The following TMEM132D variants were observed in gnomAD, a reference collection of about 807,000 sequenced individuals.
TMEM132D encodes mature OL transmembrane protein.
Under a neutral mutation model 62.3 loss-of-function variants are expected in TMEM132D, and 21 were observed. The ratio of observed to expected loss-of-function variants is 0.34; its 90% confidence interval spans 0.24 to 0.49. TMEM132D has a LOEUF of 0.49. Among genes scored for constraint, TMEM132D ranks in the 20% least tolerant of loss-of-function variants. The probability of loss-of-function intolerance (pLI) is 0.99; values close to 1 mark genes in which losing one functional copy is unlikely to be tolerated. For missense variants in TMEM132D, 1,346 were observed against 1,402.8 expected (o/e 0.96, Z 0.65); for synonymous variants, 621 against 575.6 (o/e 1.08, Z -1.13).
chr12:129,439,252 G>A (rs546090066), intron 3 of TMEM132D, among the ~76,000 whole-genome samples: 12 of 152,244 alleles, frequency 7.9e-5, no homozygotes, highest in African/African-American at 1.4e-4. Flanking sequence ...TAGCTCAGCC[G>A]AAATATCTGA....
chr12:129,424,773 G>C (rs1344386397), intron 3 of TMEM132D, among the ~76,000 whole-genome samples: 1 of 148,234 alleles, frequency 6.7e-6, no homozygotes, highest in African/African-American at 2.5e-5. Context: ...CTTTGAATCT[G>C]TTTGAGGATT....
At chr12:129,741,272 C>G (rs1220536904) in intron 1 of TMEM132D, among the ~76,000 whole-genome samples, 1 of 152,158 alleles carries the variant, frequency 6.6e-6, no homozygotes, top group Non-Finnish European at 1.5e-5. Flanking sequence ...AATAACTTTC[C>G]TTGACTTCTC....
intron 2 of TMEM132D, among the ~76,000 whole-genome samples, chr12:129,636,133 A>G (rs529406078): frequency 6.6e-6 from 1 of 152,362 alleles, no homozygotes; most frequent in African/African-American, 2.4e-5. Context: ...TAGAGGCAAT[A>G]GATGGCAAAT....
Position 129,367,499 on chromosome 12 carries a change from C to T in TMEM132D, c.1116-29682G>A, listed in dbSNP as rs1158069802. ...CCAGGTTGTCCCAAAGACCCTGCCC[C>T]GCCAGTCTTCAGAGTCCCATGGGGA... On this transcript the variant is annotated intron_variant, in intron 3 of 8. Coordinates refer to ENST00000422113, the MANE Select transcript of TMEM132D (RefSeq NM_133448.3). Among the ~76,000 whole-genome samples, 4 of 152,240 alleles carry T rather than the reference C, an allele frequency of 2.6e-5. No individual in the cohort carries two copies. The East Asian group carries it at 5.8e-4, about 22-fold the overall frequency.
chr12:129,338,959 C>T (rs1023952460), intron 3 of TMEM132D, among the ~76,000 whole-genome samples: 6 of 148,890 alleles, frequency 4.0e-5, no homozygotes, highest in African/African-American at 1.2e-4. Context: ...AGAAGGAGGG[C>T]GAGAGAGACA....
At chr12:129,156,961 A>G (rs117940823) in intron 5 of TMEM132D, among the ~76,000 whole-genome samples, 1,596 of 152,098 alleles carry the variant, frequency 0.01, 15 homozygotes, top group Non-Finnish European at 0.014. Context: ...ACCCACTCCT[A>G]TGATAACGAG....
chr12:129,584,018 G>C (rs889442217), intron 2 of TMEM132D, among the ~76,000 whole-genome samples: 3 of 151,990 alleles, frequency 2.0e-5, no homozygotes, highest in African/African-American at 7.2e-5. Flanking sequence ...TTTTTTATTA[G>C]ACCTCCAGTT....
At chr12:129,079,596 TCTC>T (rs1210319098) in intron 7 of TMEM132D, among the ~76,000 whole-genome samples, 4 of 152,160 alleles carry the variant, frequency 2.6e-5, no homozygotes, top group Non-Finnish European at 5.9e-5. Flanking sequence ...CATCCTCCAT[TCTC>T]CTGCTTTCTC....
intron 2 of TMEM132D, among the ~76,000 whole-genome samples, chr12:129,649,434 A>G (rs781522287): frequency 6.6e-6 from 1 of 152,188 alleles, no homozygotes; most frequent in East Asian, 1.9e-4. Context: ...AAAATACGGC[A>G]TGAAATGAGA....
chr12:129,760,366 C>G (rs1004199286), intron 1 of TMEM132D, among the ~76,000 whole-genome samples: 5 of 128,086 alleles, frequency 3.9e-5, no homozygotes, highest in Admixed American at 9.2e-5. Context: ...GAGTCTCGCT[C>G]TTTTGCCCAG....
At chr12:129,587,677 G>A (rs1878068420) in intron 2 of TMEM132D, among the ~76,000 whole-genome samples, 1 of 152,090 alleles carries the variant, frequency 6.6e-6, no homozygotes, top group African/African-American at 2.4e-5. Flanking sequence ...GTGACACCTT[G>A]ACATTCACCT....
rs112105415 is a variant in TMEM132D at position 129,210,620 on chromosome 12, A to C, written c.1300-957T>G. Among the ~76,000 whole-genome samples, 27 of 152,224 alleles carry C rather than the reference A, an allele frequency of 1.8e-4. 2 individuals carry two copies. The highest frequency in any genetic ancestry group is 6.5e-4 in the African/African-American group (27 of 41,548). Reference sequence around the variant, plus strand: ...GGTAGCACCTAACAGTTGCTGTTTTACTTTTACTTATAGTTATTTAATCCC... The same window carrying C: ...GGTAGCACCTAACAGTTGCTGTTTTCCTTTTACTTATAGTTATTTAATCCC... On this transcript the variant is annotated intron_variant, in intron 4 of 8. Transcript: ENST00000422113.
intron 3 of TMEM132D, among the ~76,000 whole-genome samples, chr12:129,413,501 C>T (rs34098092): frequency 0.19 from 28,347 of 148,056 alleles, 2,862 homozygotes; most frequent in Non-Finnish European, 0.23. Flanking sequence ...TAATAAGTGA[C>T]GTCATTTCCA....
At chr12:129,603,618 G>A (rs568749758) in intron 2 of TMEM132D, among the ~76,000 whole-genome samples, 1 of 152,186 alleles carries the variant, frequency 6.6e-6, no homozygotes, top group African/African-American at 2.4e-5. Context: ...ACCACAATGA[G>A]ATACTATCTC....
At chr12:129,144,687 A>ATCTG (rs891630283) in intron 5 of TMEM132D, among the ~76,000 whole-genome samples, 7 of 35,062 alleles carry the variant, frequency 2.0e-4, no homozygotes, top group African/African-American at 1.1e-3. Context: ...CTTATCTATC[A>ATCTG]TCTATCTATC....
chr12:129,247,268 C>T (rs558918265), intron 4 of TMEM132D, among the ~76,000 whole-genome samples: 9 of 152,186 alleles, frequency 5.9e-5, no homozygotes, highest in South Asian at 4.1e-4. Flanking sequence ...TTCTACATTT[C>T]GGGCCTTGGA....
At chr12:129,106,433 A>G (rs2135640658) in intron 5 of TMEM132D, among the ~76,000 whole-genome samples, 2 of 152,216 alleles carry the variant, frequency 1.3e-5, no homozygotes, top group East Asian at 3.9e-4. Flanking sequence ...AAAATAAAAA[A>G]TAAAAATAAA....
intron 1 of TMEM132D, among the ~76,000 whole-genome samples, chr12:129,716,860 G>A (rs574405606): frequency 1.8e-4 from 27 of 152,300 alleles, no homozygotes; most frequent in African/African-American, 6.0e-4. Context: ...AATAGAAAAC[G>A]AATCTAGAAG....
At chr12:129,747,668 T>G (rs1869848759) in intron 1 of TMEM132D, among the ~76,000 whole-genome samples, 1 of 143,276 alleles carries the variant, frequency 7.0e-6, no homozygotes, top group African/African-American at 2.7e-5. Flanking sequence ...GACACACACA[T>G]TCAGACACAC....
Sources: gnomAD v4.1 joint callset for allele counts (sites outside exome capture counted in the v4.1 genomes callset) on GRCh38, gnomAD v4.1.1 for gene constraint, MANE v1.5 for transcripts, NCBI Gene and HGNC (gene_info 2026-07-23, HGNC 2026-07-21) for gene names.